ZBTB20: variants seen among roughly 807,000 people sequenced by gnomAD.
ZBTB20 encodes zinc finger and BTB domain containing 20.
In ZBTB20, 9 loss-of-function variants were observed where a neutral mutation model predicts 56.9. That is an observed-to-expected ratio of 0.16 (90% CI 0.10 to 0.28). ZBTB20 has a LOEUF of 0.28. Ranked by LOEUF, ZBTB20 falls within the 10% of genes least tolerant of loss-of-function variation. ZBTB20 has a pLI of 1.00. For synonymous variants in ZBTB20, 417 were observed against 420.7 expected, an observed-to-expected ratio of 0.99 and a Z score of 0.11; for missense variants, 655 against 1,003.0, an observed-to-expected ratio of 0.65 and a Z score of 4.69.
chr3:114,927,914 A>G (rs1005570347), intron 3 of ZBTB20, among the ~76,000 whole-genome samples: 1 of 152,226 alleles, frequency 6.6e-6, no homozygotes, highest in Non-Finnish European at 1.5e-5. Context: ...TTATCATTTT[A>G]AATAATTTCA....
intron 1 of ZBTB20, among the ~76,000 whole-genome samples, chr3:115,112,132 G>A (rs896108540): frequency 2.6e-5 from 4 of 151,984 alleles, no homozygotes; most frequent in African/African-American, 9.7e-5. Flanking sequence ...ATGTTTGGGT[G>A]TGTATTTTCT....
At chr3:114,348,418 C>T (rs1171894266) in intron 11 of ZBTB20, among the ~76,000 whole-genome samples, 1 of 152,148 alleles carries the variant, frequency 6.6e-6, no homozygotes, top group East Asian at 1.9e-4. Context: ...ATTAATTCAC[C>T]TAATAATGGT....
At chr3:114,440,745 A>G (rs532876690) in intron 7 of ZBTB20, among the ~76,000 whole-genome samples, 1 of 152,320 alleles carries the variant, frequency 6.6e-6, no homozygotes, top group Non-Finnish European at 1.5e-5. Context: ...CGCAAGAGCT[A>G]GTCCAAAGGC....
chr3:115,000,358 A>T (rs1434606291), intron 2 of ZBTB20, among the ~76,000 whole-genome samples: 7 of 151,694 alleles, frequency 4.6e-5, no homozygotes. Flanking sequence ...ATAAAATTAA[A>T]TATTTTGTAT....
intron 7 of ZBTB20, among the ~76,000 whole-genome samples, chr3:114,417,001 G>A (rs2088629690): frequency 6.6e-6 from 1 of 152,034 alleles, no homozygotes; most frequent in Non-Finnish European, 1.5e-5. Context: ...GAAAAAAAGA[G>A]TTTGTTTTAT....
At chr3:114,395,198 C>T (rs1372296226) in intron 7 of ZBTB20, among the ~76,000 whole-genome samples, 1 of 151,978 alleles carries the variant, frequency 6.6e-6, no homozygotes, top group Admixed American at 6.6e-5. Flanking sequence ...GGCCCACTAT[C>T]ATAATTTGAG....
At chr3:115,120,549 G>C (rs2084156155) in intron 1 of ZBTB20, among the ~76,000 whole-genome samples, 1 of 152,098 alleles carries the variant, frequency 6.6e-6, no homozygotes, top group Admixed American at 6.6e-5. Context: ...CCATCAGGAT[G>C]AATGTAAGCC....
chr3:114,923,810 A>G (rs1208889652), intron 3 of ZBTB20, among the ~76,000 whole-genome samples: 2 of 152,140 alleles, frequency 1.3e-5, no homozygotes, highest in East Asian at 1.9e-4. Flanking sequence ...TTGCAACTAT[A>G]TATCTGATGA....
chr3:115,058,781 C>T (rs1433103840), intron 2 of ZBTB20, among the ~76,000 whole-genome samples: 1 of 152,258 alleles, frequency 6.6e-6, no homozygotes, highest in Admixed American at 6.5e-5. Context: ...CCTTCCCCAC[C>T]TCCTTTTTAG....
intron 2 of ZBTB20, among the ~76,000 whole-genome samples, chr3:115,024,922 T>G (rs1372783639): frequency 6.6e-6 from 1 of 151,200 alleles, no homozygotes; most frequent in Non-Finnish European, 1.5e-5. Flanking sequence ...CGATTTAAAA[T>G]TATAAAATTT....
At chr3:114,897,430 T>C (rs187002699) in intron 4 of ZBTB20, among the ~76,000 whole-genome samples, 2 of 152,094 alleles carry the variant, frequency 1.3e-5, no homozygotes, top group Non-Finnish European at 2.9e-5. Flanking sequence ...GCTATGTTCT[T>C]AATAAATGTG....
intron 4 of ZBTB20, among the ~76,000 whole-genome samples, chr3:114,837,989 A>C (rs2074201467): frequency 6.6e-6 from 1 of 152,138 alleles, no homozygotes. Context: ...ATAAAATCTC[A>C]CTCAAGTAGT....
chr3:114,572,948 T>C (rs2053594650), intron 6 of ZBTB20, among the ~76,000 whole-genome samples: 1 of 152,222 alleles, frequency 6.6e-6, no homozygotes, highest in Non-Finnish European at 1.5e-5. Context: ...TGGTTCTTCC[T>C]TGACATACTG....
intron 7 of ZBTB20, among the ~76,000 whole-genome samples, chr3:114,481,609 G>A (rs557008282): frequency 1.6e-4 from 24 of 152,286 alleles, no homozygotes; most frequent in Middle Eastern, 3.4e-3. Flanking sequence ...GACTCTATGC[G>A]CATCTCCAGT....
intron 7 of ZBTB20, among the ~76,000 whole-genome samples, chr3:114,454,175 G>GGAGAGGGAGA (rs1553717363): frequency 2.1e-4 from 25 of 116,692 alleles, no homozygotes; most frequent in Non-Finnish European, 3.3e-4. Flanking sequence ...AAAAGAGAAG[G>GGAGAGGGAGA]GAGAGAGAGA....
At chr3:114,667,111 T>C (rs888107293) in intron 6 of ZBTB20, among the ~76,000 whole-genome samples, 15 of 151,992 alleles carry the variant, frequency 9.9e-5, no homozygotes, top group African/African-American at 3.1e-4. Flanking sequence ...ATGCCTGAGG[T>C]TGCAATTTCT....
chr3:114,367,109 T>A (rs1323125798), intron 10 of ZBTB20: 1 of 152,272 alleles, frequency 6.6e-6, no homozygotes, highest in Non-Finnish European at 1.5e-5. Context: ...TGTTTTGCCC[T>A]CTTCGGGTAT....
At position 114,462,490 on chromosome 3, in the gene ZBTB20, A is replaced by C. The variant is rs913885123; in HGVS notation, c.-255+37862T>G. Among the ~76,000 whole-genome samples, 5 of 152,168 alleles carry C rather than the reference A, an allele frequency of 3.3e-5. No homozygotes were observed. In the East Asian group the frequency reaches 9.6e-4, roughly 29 times the overall value. On this transcript the variant is annotated intron_variant, in intron 7 of 11. Coordinates refer to ENST00000675478, the MANE Select transcript of ZBTB20 (RefSeq NM_001348800.3). ...GATTCAGAACCACAATTTTTTATCA[A>C]TTTCCAATGACACTCAGTTTTAGTA...
chr3:114,919,279 A>G (rs1451569223), intron 3 of ZBTB20, among the ~76,000 whole-genome samples: 3 of 152,290 alleles, frequency 2.0e-5, no homozygotes, highest in Non-Finnish European at 2.9e-5. Flanking sequence ...TTGTCATTAC[A>G]AGGTGTGTTA....
Sources: allele counts gnomAD v4.1 joint callset (sites outside exome capture counted in the v4.1 genomes callset), GRCh38; gene constraint gnomAD v4.1.1; transcripts MANE v1.5; gene names NCBI Gene and HGNC (gene_info 2026-07-23, HGNC 2026-07-21).